Variants in ARHGAP20 observed in about 807,000 individuals in gnomAD.
The protein encoded by ARHGAP20 is Rho GTPase activating protein 20.
ARHGAP20 carries 34 observed loss-of-function variants against 73.7 expected under a neutral mutation model. The observed-to-expected ratio is 0.46, with a 90% CI of 0.35 to 0.61. The LOEUF is 0.61. Ranked by LOEUF, ARHGAP20 falls within the 20% of genes least tolerant of loss-of-function variation. The pLI, the probability that ARHGAP20 is intolerant of heterozygous loss-of-function variation, is 0.00. For missense variants in ARHGAP20, 1,314 were observed against 1,420.9 expected (o/e 0.92, Z 1.21); for synonymous variants, 523 against 518.2 (o/e 1.01, Z -0.13).
intron 3 of ARHGAP20, among the ~76,000 whole-genome samples, chr11:110,627,602 A>C (rs971317824): frequency 2.6e-5 from 4 of 152,228 alleles, no homozygotes; most frequent in Non-Finnish European, 5.9e-5. Context: ...TATTCCACAA[A>C]TATCTGATGG....
At chr11:110,704,613 C>T (rs769900782) in intron 1 of ARHGAP20, among the ~76,000 whole-genome samples, 2 of 152,186 alleles carry the variant, frequency 1.3e-5, no homozygotes, top group East Asian at 1.9e-4. Context: ...GATGGTTGAC[C>T]GAAGGCAATC....
chr11:110,664,677 G>A (rs1269237195), intron 2 of ARHGAP20, among the ~76,000 whole-genome samples: 1 of 147,522 alleles, frequency 6.8e-6, no homozygotes, highest in African/African-American at 2.5e-5. Context: ...CCAGTGAGCG[G>A]AGACTGTGCC....
At chr11:110,614,934 T>C (rs1948451205) in intron 5 of ARHGAP20, among the ~76,000 whole-genome samples, 1 of 152,174 alleles carries the variant, frequency 6.6e-6, no homozygotes, top group African/African-American at 2.4e-5. Context: ...TCTGTCTTCT[T>C]TGGACAGGTC....
intron 2 of ARHGAP20, among the ~76,000 whole-genome samples, chr11:110,661,193 A>T (rs1949603219): frequency 6.6e-6 from 1 of 152,210 alleles, no homozygotes; most frequent in South Asian, 2.1e-4. Flanking sequence ...GCAGATAATT[A>T]TTAAGTCCAA....
chr11:110,711,896 G>C, intron 1 of ARHGAP20: 2 of 1,306,464 alleles, frequency 1.5e-6, no homozygotes, highest in Non-Finnish European at 1.9e-6. Flanking sequence ...CGCTCGAGGA[G>C]AGACTAAGGC....
chr11:110,629,249 G>T (rs1948811721), intron 3 of ARHGAP20, among the ~76,000 whole-genome samples: 1 of 152,120 alleles, frequency 6.6e-6, no homozygotes, highest in African/African-American at 2.4e-5. Flanking sequence ...GTAAGGCCTA[G>T]ATTCAAACCC....
intron 3 of ARHGAP20, among the ~76,000 whole-genome samples, chr11:110,625,842 C>T (rs768535885): frequency 6.6e-6 from 1 of 151,992 alleles, no homozygotes; most frequent in Admixed American, 6.5e-5. Flanking sequence ...TGTGTAAATA[C>T]TAAAAGTTAA....
At chr11:110,710,239 G>A (rs878998180) in intron 1 of ARHGAP20, among the ~76,000 whole-genome samples, 1 of 152,100 alleles carries the variant, frequency 6.6e-6, no homozygotes, top group Admixed American at 6.5e-5. Context: ...GGAAAGGTAG[G>A]TACTGGTTTG....
At chr11:110,678,552 T>A (rs774510842) in intron 2 of ARHGAP20, among the ~76,000 whole-genome samples, 1 of 152,234 alleles carries the variant, frequency 6.6e-6, no homozygotes, top group Non-Finnish European at 1.5e-5. Context: ...AGAGAAACAT[T>A]CTAGAAAGCT....
intron 2 of ARHGAP20, among the ~76,000 whole-genome samples, chr11:110,667,779 C>A (rs537800483): frequency 6.6e-6 from 1 of 152,196 alleles, no homozygotes; most frequent in African/African-American, 2.4e-5. Flanking sequence ...GAAGTTGATT[C>A]CAACCCTCAT....
In ARHGAP20 at chr11:110,591,311, C is replaced by T. The variant is rs752691395; in HGVS notation, c.1144-502G>A. ...CTGAGGCTTTAAAACAATTTGTAAA[C>T]GGATGAGATGATGACATGATAACAA... On this transcript the variant is annotated intron_variant, in intron 10 of 14. Coordinates refer to ENST00000683387, the MANE Select transcript of ARHGAP20 (RefSeq NM_001384657.1). Among the ~76,000 whole-genome samples the T allele has an allele frequency of 7.2e-5, 11 of 152,092 alleles. No individual in the cohort carries two copies. The South Asian group carries it at 1.0e-3, about 14-fold the overall frequency.
Position 110,577,562 on chromosome 11 carries a change from T to C in ARHGAP20, c.*1808A>G. On this transcript the variant is annotated 3_prime_UTR_variant, in exon 15 of 15. Transcript: ENST00000683387. The stretch of plus-strand genomic sequence containing the variant: ...CTTGCAGTTCTGACTGACAGTAGTA[T>C]GCCCTAAGGGAAAGGGGAGTCCCTG... 2 of 989,858 alleles carry C rather than the reference T, an allele frequency of 2.0e-6. No individual in the cohort carries two copies. Among genetic ancestry groups the C allele is most frequent in the Non-Finnish European group, 1.2e-6 (1 of 832,864 alleles). 61.3% of individuals were successfully genotyped at this position (989,858 alleles called of 1,614,324 possible).
chr11:110,711,798 C>T, intron 1 of ARHGAP20: 2 of 1,345,914 alleles, frequency 1.5e-6, no homozygotes, highest in Non-Finnish European at 1.9e-6. Flanking sequence ...GAAAGGCGAT[C>T]GCCCACTACA....
intron 1 of ARHGAP20, among the ~76,000 whole-genome samples, chr11:110,694,083 G>C (rs1950292008): frequency 6.6e-6 from 1 of 151,828 alleles, no homozygotes; most frequent in South Asian, 2.1e-4. Flanking sequence ...TTTTGGGAAT[G>C]AGTTTGATAT....
chr11:110,611,574 C>T (rs555813777), intron 6 of ARHGAP20, among the ~76,000 whole-genome samples, 188 bp from the exon 7 acceptor site: 1 of 152,024 alleles, frequency 6.6e-6, no homozygotes, highest in East Asian at 1.9e-4. Flanking sequence ...TAAATTATGC[C>T]CTCTAATAAA....
chr11:110,688,695 A>G (rs1247108725), intron 2 of ARHGAP20, among the ~76,000 whole-genome samples: 1 of 152,174 alleles, frequency 6.6e-6, no homozygotes, highest in Non-Finnish European at 1.5e-5. Context: ...TAAAGGATAC[A>G]CTGATGCAAA....
chr11:110,648,226 T>TATATATTTAA (rs1555094953), intron 2 of ARHGAP20, among the ~76,000 whole-genome samples: 1 of 79,310 alleles, frequency 1.3e-5, no homozygotes. Context: ...TATATGTATA[T>TATATATTTAA]ATATATATAT....
intron 1 of ARHGAP20, among the ~76,000 whole-genome samples, chr11:110,696,264 T>C (rs12280447): frequency 0.13 from 19,339 of 151,514 alleles, 2,001 homozygotes; most frequent in African/African-American, 0.29. Flanking sequence ...TACAATTCTA[T>C]GACTACACTA....
At chr11:110,618,740 G>C (rs555019597) in intron 4 of ARHGAP20, among the ~76,000 whole-genome samples, 116 of 140,406 alleles carry the variant, frequency 8.3e-4, no homozygotes, top group Admixed American at 7.5e-3. Flanking sequence ...TGCAGTGATA[G>C]AGTATATGCA....
Sources: allele counts gnomAD v4.1 joint callset (sites outside exome capture counted in the v4.1 genomes callset), GRCh38; gene constraint gnomAD v4.1.1; transcripts MANE v1.5; gene names NCBI Gene and HGNC (gene_info 2026-07-23, HGNC 2026-07-21).